Variants in CHODL observed in about 807,000 individuals in gnomAD.
CHODL encodes transmembrane protein MT75.
In CHODL, 29 loss-of-function variants were observed where a neutral mutation model predicts 34.5. The observed-to-expected ratio is 0.84, with a 90% CI of 0.63 to 1.15. CHODL has a LOEUF of 1.15. CHODL is among the 50% of genes most tolerant of loss of function. CHODL has a pLI of 0.00. For missense variants in CHODL, 332 were observed against 332.5 expected, an observed-to-expected ratio of 1.00 and a Z score of 0.01; for synonymous variants, 125 against 116.1, an observed-to-expected ratio of 1.08 and a Z score of -0.49.
chr21:18,038,393 A>T lies in CHODL; in HGVS notation c.-45+10422A>T, dbSNP rs868827086. 4.6e-5 allele frequency among the ~76,000 whole-genome samples: 7 copies of T among 151,884 alleles called. 1 individual carries two copies. Among genetic ancestry groups the T allele is most frequent in the Middle Eastern group, 6.8e-3 (2 of 294 alleles). On this transcript the variant is annotated intron_variant, in intron 2 of 6. Coordinates refer to the CHODL transcript ENST00000400127. Reference sequence around the variant, plus strand: ...AATTATAAATTCAAGAGAAGTGGTAATTATGAAAGACATTGATTATGAATG... The same window carrying T: ...AATTATAAATTCAAGAGAAGTGGTATTTATGAAAGACATTGATTATGAATG...
chr21:18,149,036 T>A (rs2072933552), intron 2 of CHODL, among the ~76,000 whole-genome samples: 1 of 152,206 alleles, frequency 6.6e-6, no homozygotes. Context: ...ATTTTTTCCC[T>A]TGCTGAACAT....
chr21:18,178,699 A>T (rs753907571), intron 2 of CHODL, among the ~76,000 whole-genome samples: 2 of 152,126 alleles, frequency 1.3e-5, no homozygotes, highest in Non-Finnish European at 2.9e-5. Context: ...CTTCATCCCC[A>T]CCCTCTTCAT....
At chr21:18,193,263 A>G (rs2073533010) in intron 2 of CHODL, among the ~76,000 whole-genome samples, 1 of 152,166 alleles carries the variant, frequency 6.6e-6, no homozygotes, top group Admixed American at 6.5e-5. Flanking sequence ...TGAAATGACT[A>G]TATTTATGTA....
Position 18,043,292 on chromosome 21 carries a change from C to T in CHODL, c.-45+15321C>T, listed in dbSNP as rs74916640. 2.5e-3 allele frequency among the ~76,000 whole-genome samples: 383 copies of T among 152,020 alleles called. 2 individuals carry two copies. Among genetic ancestry groups the T allele is most frequent in the African/African-American group, 9.1e-3 (376 of 41,502 alleles). ...GGTTTAATGCTCTGCTGTTGTTGTC[C>T]TGATGTTTTTAATAACATTATCTTT... On this transcript the variant is annotated intron_variant, in intron 2 of 6. Transcript: ENST00000400127.
At position 17,996,108 on chromosome 21, in the gene CHODL, A is replaced by G. The variant is rs182115416; in HGVS notation, c.-144-31764A>G. Among the ~76,000 whole-genome samples, 7 of 151,834 alleles carry G rather than the reference A, an allele frequency of 4.6e-5. No individual in the cohort carries two copies. In the East Asian group the frequency reaches 7.8e-4, roughly 17 times the overall value. ...TTTTTTGCAAAGGCTCATTTTACCT[A>G]TGGTCACATGCTTCCCATCCTTGAG... On this transcript the variant is annotated intron_variant, in intron 1 of 6. Transcript: ENST00000400127.
chr21:18,150,435 T>C (rs1490531897), intron 2 of CHODL, among the ~76,000 whole-genome samples: 1 of 152,108 alleles, frequency 6.6e-6, no homozygotes, highest in Non-Finnish European at 1.5e-5. Context: ...TGGGAAGCCT[T>C]AGAATTTCAT....
chr21:18,120,246 A>G (rs2065463707), intron 2 of CHODL, among the ~76,000 whole-genome samples: 1 of 152,232 alleles, frequency 6.6e-6, no homozygotes, highest in Non-Finnish European at 1.5e-5. Flanking sequence ...ACAGAGTTAA[A>G]TCATAAACCA....
chr21:18,260,877 A>G lies in CHODL; in HGVS notation c.634+591A>G, dbSNP rs116770628. ...AAACACCACCAACAACAACAAAAGA[A>G]CTTTGGATCTACAAGAAATTTCTCT... On this transcript the variant is annotated intron_variant, in intron 4 of 5. Coordinates refer to ENST00000299295, the MANE Select transcript of CHODL (RefSeq NM_024944.3). Among the ~76,000 whole-genome samples the G allele has an allele frequency of 6.5e-3, 987 of 152,168 alleles. 8 individuals carry two copies. Among genetic ancestry groups the G allele is most frequent in the African/African-American group, 0.022 (917 of 41,510 alleles).
intron 2 of CHODL, among the ~76,000 whole-genome samples, chr21:18,092,448 C>A (rs981018265): frequency 3.3e-5 from 5 of 152,178 alleles, no homozygotes; most frequent in African/African-American, 9.7e-5. Flanking sequence ...AGTATCAAAA[C>A]CATCCAGGAA....
chr21:18,004,375 A>T (rs2063940219), intron 1 of CHODL, among the ~76,000 whole-genome samples: 1 of 152,220 alleles, frequency 6.6e-6, no homozygotes, highest in African/African-American at 2.4e-5. Flanking sequence ...TACTGTACTT[A>T]TACTACATTA....
chr21:18,259,433 T>C (rs2074354666), intron 3 of CHODL, among the ~76,000 whole-genome samples: 1 of 152,112 alleles, frequency 6.6e-6, no homozygotes, highest in Non-Finnish European at 1.5e-5. Flanking sequence ...CATACTTAGG[T>C]GATGGAATGA....
At chr21:18,060,733 C>G (rs1440373322) in intron 2 of CHODL, among the ~76,000 whole-genome samples, 1 of 109,168 alleles carries the variant, frequency 9.2e-6, no homozygotes, top group African/African-American at 3.6e-5. Flanking sequence ...AGAAAGCAAG[C>G]AGAAAAGGGA....
At chr21:18,216,379 T>C (rs1344648612) in intron 2 of CHODL, among the ~76,000 whole-genome samples, 1 of 152,190 alleles carries the variant, frequency 6.6e-6, no homozygotes, top group South Asian at 2.1e-4. Flanking sequence ...ACAACACATT[T>C]CTTCTATCTA....
In CHODL at chr21:18,025,418, C is replaced by A. The variant is rs145287721; in HGVS notation, c.-144-2454C>A. On this transcript the variant is annotated intron_variant, in intron 1 of 6. Transcript: ENST00000400127. ...TGGTAGAGTCTTTATGAAAATATTTCTTTTTCTTCCAAAGCCCCTCTGGCT... is the reference window on the plus strand; with the variant it reads ...TGGTAGAGTCTTTATGAAAATATTTATTTTTCTTCCAAAGCCCCTCTGGCT... 2.5e-3 allele frequency among the ~76,000 whole-genome samples: 379 copies of A among 152,104 alleles called. 3 individuals carry two copies. Among genetic ancestry groups the A allele is most frequent in the African/African-American group, 8.7e-3 (363 of 41,522 alleles).
intron 2 of CHODL, among the ~76,000 whole-genome samples, chr21:18,160,743 T>A (rs2073086351): frequency 1.3e-5 from 2 of 152,230 alleles, no homozygotes; most frequent in African/African-American, 4.8e-5. Context: ...TTGATGGACA[T>A]TTATGTTGAT....
intron 2 of CHODL, among the ~76,000 whole-genome samples, chr21:18,092,495 G>C (rs925441774): frequency 3.3e-5 from 5 of 152,172 alleles, no homozygotes; most frequent in African/African-American, 9.7e-5. Context: ...TAAGGCACCA[G>C]GGACTAATTC....
intron 2 of CHODL, among the ~76,000 whole-genome samples, chr21:18,228,650 T>C (rs987734080): frequency 2.6e-5 from 4 of 152,158 alleles, no homozygotes; most frequent in Admixed American, 6.5e-5. Flanking sequence ...AGAAGAGAAC[T>C]TGTACATCCC....
chr21:17,955,724 A>G (rs1359929963), intron 1 of CHODL, among the ~76,000 whole-genome samples: 1 of 136,748 alleles, frequency 7.3e-6, no homozygotes, highest in Non-Finnish European at 1.7e-5. Context: ...TTTAGGGAAA[A>G]AAATTGCTTG....
At chr21:18,022,095 T>C (rs528927710) in intron 1 of CHODL, among the ~76,000 whole-genome samples, 4 of 152,214 alleles carry the variant, frequency 2.6e-5, no homozygotes, top group Non-Finnish European at 5.9e-5. Context: ...ATTATTTTCC[T>C]GGGACTGCTG....
Sources: allele counts gnomAD v4.1 joint callset (sites outside exome capture counted in the v4.1 genomes callset), GRCh38; gene constraint gnomAD v4.1.1; transcripts MANE v1.5; gene names NCBI Gene and HGNC (gene_info 2026-07-23, HGNC 2026-07-21).